The following GPHN variants were observed in gnomAD, a reference collection of about 807,000 sequenced individuals.
GPHN encodes gephyrin.
A neutral mutation model predicts 95.5 loss-of-function variants in GPHN; 17 were observed. The observed-to-expected ratio is 0.18, with a 90% confidence interval of 0.12 to 0.27. The LOEUF is 0.27. Ranked by LOEUF, GPHN falls within the 10% of genes least tolerant of loss-of-function variation. The pLI, the probability that GPHN is intolerant of heterozygous loss-of-function variation, is 1.00. For synonymous variants in GPHN, 320 were observed against 322.5 expected (o/e 0.99, Z 0.08); for missense variants, 660 against 978.1 (o/e 0.67, Z 4.34).
intron 18 of GPHN, among the ~76,000 whole-genome samples, chr14:67,159,120 C>T (rs1243058096): frequency 6.6e-6 from 1 of 152,152 alleles, no homozygotes; most frequent in Non-Finnish European, 1.5e-5. Context: ...TCTAACTTCT[C>T]CTACTAGAAT....
At chr14:66,868,260 A>G (rs77857649) in intron 4 of GPHN, among the ~76,000 whole-genome samples, 1,833 of 152,298 alleles carry the variant, frequency 0.012, 19 homozygotes, top group Non-Finnish European at 0.018. Context: ...CATGAGTACT[A>G]ATATATAAAT....
At chr14:67,026,878 G>A (rs1195141347) in intron 10 of GPHN, among the ~76,000 whole-genome samples, 2 of 152,126 alleles carry the variant, frequency 1.3e-5, no homozygotes, top group African/African-American at 2.4e-5. Context: ...TCCTGACCTC[G>A]TGATCCGCCC....
At chr14:67,727,162 T>G in the GPHN span, 1 of 1,613,838 alleles carries the variant, frequency 6.2e-7, no homozygotes, top group Non-Finnish European at 8.5e-7. Context: ...ATGTGCTTTT[T>G]ACTCGTGAGC....
At chr14:67,644,097 G>A in the GPHN span, among the ~76,000 whole-genome samples, 1 of 152,132 alleles carries the variant, frequency 6.6e-6, no homozygotes, top group Non-Finnish European at 1.5e-5. Flanking sequence ...TTCTTTTCCT[G>A]TGGCTATCTA....
At chr14:67,284,442 A>AAAAAAAACAAAAAAAAAC in the GPHN span, among the ~76,000 whole-genome samples, 7 of 142,870 alleles carry the variant, frequency 4.9e-5, 1 homozygote, top group African/African-American at 1.8e-4. Context: ...AAAAAAAAAA[A>AAAAAAAACAAAAAAAAAC]AACAGCTGGG....
At chr14:67,336,465 C>T in the GPHN span, 1 of 266,528 alleles carries the variant, frequency 3.8e-6, no homozygotes. Flanking sequence ...AAGGCCAATA[C>T]ATTCCAGGTA....
chr14:67,023,349 A>G (rs1283384008), intron 9 of GPHN, among the ~76,000 whole-genome samples: 3 of 152,132 alleles, frequency 2.0e-5, no homozygotes, highest in Admixed American at 2.0e-4. Flanking sequence ...ATTTCCATAT[A>G]CCGATTTTAA....
At chr14:67,397,734 G>C in the GPHN span, 1 of 1,613,432 alleles carries the variant, frequency 6.2e-7, no homozygotes, top group South Asian at 1.1e-5. Context: ...CCTTGGGAGG[G>C]GTCACTCTCC....
chr14:67,218,810 T>A, the GPHN span, among the ~76,000 whole-genome samples: 1 of 151,884 alleles, frequency 6.6e-6, no homozygotes, highest in East Asian at 1.9e-4. Flanking sequence ...TATGCAGCAG[T>A]TTGGCTGACT....
intron 16 of GPHN, among the ~76,000 whole-genome samples, chr14:67,115,112 T>C (rs2078601935): frequency 6.6e-6 from 1 of 152,214 alleles, no homozygotes; most frequent in Non-Finnish European, 1.5e-5. Flanking sequence ...TGGTTCCATA[T>C]AGCTCAACAT....
intron 2 of GPHN, among the ~76,000 whole-genome samples, chr14:66,725,949 A>T (rs2071197104): frequency 6.6e-6 from 1 of 152,206 alleles, no homozygotes; most frequent in Non-Finnish European, 1.5e-5. Flanking sequence ...TTGTACCATG[A>T]TGATAAATCT....
At chr14:66,961,043 G>A (rs935111422) in intron 8 of GPHN, among the ~76,000 whole-genome samples, 1 of 152,060 alleles carries the variant, frequency 6.6e-6, no homozygotes, top group Non-Finnish European at 1.5e-5. Context: ...TGAAATAAAG[G>A]CAGGCCCTTT....
chr14:66,828,278 T>C (rs2061454065), intron 4 of GPHN, among the ~76,000 whole-genome samples: 3 of 152,070 alleles, frequency 2.0e-5, no homozygotes, highest in Admixed American at 2.0e-4. Flanking sequence ...AAAGTAATTC[T>C]ACTAATTTCC....
the GPHN span, among the ~76,000 whole-genome samples, chr14:67,286,352 C>G: frequency 1.3e-5 from 2 of 152,154 alleles, no homozygotes; most frequent in African/African-American, 4.8e-5. Context: ...AATTTCTTCT[C>G]TCTGTCCTCT....
chr14:67,253,957 TG>T, the GPHN span, among the ~76,000 whole-genome samples: 361 of 150,464 alleles, frequency 2.4e-3, 10 homozygotes, highest in South Asian at 7.8e-3. Flanking sequence ...GTTAATATTT[TG>T]TTTTGTTTTT....
chr14:67,530,548 G>C, the GPHN span, among the ~76,000 whole-genome samples: 1 of 152,204 alleles, frequency 6.6e-6, no homozygotes, highest in East Asian at 1.9e-4. Context: ...TCCTAGAGTG[G>C]TTAGTTAGCA....
At chr14:67,644,720 T>A in the GPHN span, among the ~76,000 whole-genome samples, 1 of 152,264 alleles carries the variant, frequency 6.6e-6, no homozygotes, top group African/African-American at 2.4e-5. Context: ...TATTTGAGGC[T>A]GGGCATAGTG....
chr14:66,859,961 A>G (rs916139810), intron 4 of GPHN, among the ~76,000 whole-genome samples: 7 of 152,264 alleles, frequency 4.6e-5, no homozygotes, highest in African/African-American at 1.7e-4. Context: ...AGGATGAGGT[A>G]TGCCTACAAA....
At chr14:67,612,305 G>A in the GPHN span, among the ~76,000 whole-genome samples, 6 of 152,172 alleles carry the variant, frequency 3.9e-5, 1 homozygote, top group Non-Finnish European at 7.3e-5. Context: ...AGTTAGATGA[G>A]GGAAGGGGAG....
Sources: gnomAD v4.1 joint callset for allele counts (sites outside exome capture counted in the v4.1 genomes callset) on GRCh38, gnomAD v4.1.1 for gene constraint, MANE v1.5 for transcripts, NCBI Gene and HGNC (gene_info 2026-07-23, HGNC 2026-07-21) for gene names.